TECPR1: variants seen among roughly 807,000 people sequenced by gnomAD.
TECPR1 encodes the protein tectonin beta-propeller repeat-containing protein 1.
In TECPR1, 122 loss-of-function variants were observed where a neutral mutation model predicts 162.4. The observed-to-expected ratio is 0.75, with a 90% CI of 0.65 to 0.87. TECPR1 has a LOEUF of 0.87. TECPR1 is among the 40% of genes least tolerant of loss of function. The pLI is 0.00. For synonymous variants in TECPR1, 642 were observed against 670.6 expected (o/e 0.96, Z 0.66); for missense variants, 1,432 against 1,618.2 (o/e 0.88, Z 1.97).
chr7:98,221,438 AC>A (rs1170350167), intron 23 of TECPR1, among the ~76,000 whole-genome samples: 1 of 151,990 alleles, frequency 6.6e-6, no homozygotes, highest in African/African-American at 2.4e-5. Flanking sequence ...CATCTCATGT[AC>A]CCCATAAATA....
intron 8 of TECPR1, 55 bp downstream of exon 8, chr7:98,240,796 C>T: frequency 7.0e-7 from 1 of 1,421,858 alleles, no homozygotes; most frequent in Non-Finnish European, 9.6e-7. Flanking sequence ...TCACAGCTCA[C>T]TGCAGTCTCC....
intron 8 of TECPR1, among the ~76,000 whole-genome samples, chr7:98,239,660 G>A (rs1379010045): frequency 6.6e-6 from 1 of 152,198 alleles, no homozygotes; most frequent in Non-Finnish European, 1.5e-5. Context: ...GGGAAGTGGG[G>A]TGACCAGGAT....
At chr7:98,225,683 T>A (rs1584328161) in intron 17 of TECPR1, among the ~76,000 whole-genome samples, 1 of 152,116 alleles carries the variant, frequency 6.6e-6, no homozygotes, top group African/African-American at 2.4e-5. Flanking sequence ...AGACAGGCTG[T>A]CGCTCTGTCA....
At chr7:98,249,173 G>T (rs1263684130) in intron 2 of TECPR1, among the ~76,000 whole-genome samples, 1 of 152,102 alleles carries the variant, frequency 6.6e-6, no homozygotes, top group African/African-American at 2.4e-5. Context: ...CCCTGGCCCT[G>T]GCTGGGACAA....
At position 98,232,836 on chromosome 7, in the gene TECPR1, G is replaced by A. The variant is rs367929161; in HGVS notation, c.1809C>T (p.Ala603=). ...CCACCGGGGCACCCACCTGCTCCAC[G>A]GCCTGCTCGTAGTGTCTGAAGTTCT... The part of the protein sequence containing the change: ...ELENFRHYEQ[A]VEQSVWVKTG... The change falls in exon 12 of 26, where the codon GCC becomes GCT. Residue 603 remains alanine (A), a synonymous_variant. Transcript: ENST00000447648. The surrounding 1 kb of genome is among the most constrained non-coding windows in gnomAD (Gnocchi z 4.6). 85 of 1,599,576 alleles carry A rather than the reference G, an allele frequency of 5.3e-5. No homozygotes were observed. Among genetic ancestry groups the A allele is most frequent in the East Asian group, 6.7e-5 (3 of 44,586 alleles).
In TECPR1 at chr7:98,240,910, C is replaced by G; in HGVS notation, c.874G>C (p.Gly292Arg). ...ACTCCCACCGAGATGTGCATGACCCCGTTTTCAGATCCAGGAGGCTCCACG... is the reference window on the plus strand; with the variant it reads ...ACTCCCACCGAGATGTGCATGACCCGGTTTTCAGATCCAGGAGGCTCCACG... ...SIVEPPGSEN[G>R]VMHISVGVSV... Residue 292 changes from glycine (G) to arginine (R), a missense_variant, in exon 8 of 26, where the codon GGG becomes CGG. By Grantham distance (125) the Gly-to-Arg change is moderately radical (BLOSUM62 -2). Coordinates refer to ENST00000447648, the MANE Select transcript of TECPR1 (RefSeq NM_015395.3). 1 of 1,609,682 alleles carries G rather than the reference C, an allele frequency of 6.2e-7. No individual in the cohort carries two copies. The highest frequency in any genetic ancestry group is 8.5e-7 in the Non-Finnish European group (1 of 1,178,982).
At chr7:98,238,637 T>A (rs1370468607) in intron 8 of TECPR1, 27 bp from the exon 9 acceptor site, 1 of 1,530,748 alleles carries the variant, frequency 6.5e-7, no homozygotes, top group African/African-American at 1.4e-5. Flanking sequence ...TAAACATGCC[T>A]TCCTGGAGGG....
chr7:98,226,534 C>T (rs1798283280), intron 17 of TECPR1: 1 of 1,046,308 alleles, frequency 9.6e-7, no homozygotes, highest in South Asian at 2.9e-5. Context: ...GGCCACACCC[C>T]ACATGCTAAT....
intron 16 of TECPR1, 110 bp from the exon 17 acceptor site, chr7:98,228,226 C>T (rs1798328932): frequency 1.2e-6 from 1 of 863,302 alleles, no homozygotes; most frequent in Non-Finnish European, 1.9e-6. Flanking sequence ...CGGGCTGGAG[C>T]CAGGTCAGCG....
intron 8 of TECPR1, among the ~76,000 whole-genome samples, chr7:98,239,824 T>C (rs979602559): frequency 6.6e-6 from 1 of 151,624 alleles, no homozygotes; most frequent in Non-Finnish European, 1.5e-5. Context: ...AAAAACCCTG[T>C]GACTGGCCAG....
At chr7:98,249,928 A>AG (rs949485608) in intron 2 of TECPR1, among the ~76,000 whole-genome samples, 4 of 152,124 alleles carry the variant, frequency 2.6e-5, no homozygotes, top group African/African-American at 9.7e-5. Flanking sequence ...AAAAAAAAAA[A>AG]AAGAAAAACA....
Position 98,246,070 on chromosome 7 carries a change from T to G in TECPR1, c.77A>C (p.Glu26Ala), listed in dbSNP as rs369593510. Residue 26 changes from glutamate (E) to alanine (A), a missense_variant, in exon 3 of 26, where the codon GAA (glutamate) becomes GCA (alanine). By Grantham distance (107) the Glu-to-Ala change is moderately radical (BLOSUM62 -1). Coordinates refer to ENST00000447648, the MANE Select transcript of TECPR1 (RefSeq NM_015395.3). ...CTCCAGCTGGGAGTCCTTGCACATT[T>G]CCCAGTACTGGCCTGCTGTGGACAG... ...YTLSTAGQYWEMCKDSQLEFK... is the reference protein window; with the variant it reads ...YTLSTAGQYWAMCKDSQLEFK... 365 of 1,569,462 alleles carry G rather than the reference T, an allele frequency of 2.3e-4. No homozygotes were observed. The highest frequency in any genetic ancestry group is 3.0e-4 in the Non-Finnish European group (347 of 1,157,958).
intron 10 of TECPR1, among the ~76,000 whole-genome samples, chr7:98,234,793 C>G (rs1798550250): frequency 6.7e-6 from 1 of 148,210 alleles, no homozygotes; most frequent in Admixed American, 6.9e-5. Flanking sequence ...TCACTGCAGC[C>G]TCGACCTCCT....
rs1336429521 is a variant in TECPR1 at position 98,229,372 on chromosome 7, G to A, written c.2283-206C>T. Among the ~76,000 whole-genome samples, 7 of 152,152 alleles carry A rather than the reference G, an allele frequency of 4.6e-5. No homozygotes were observed. In the South Asian group the frequency reaches 8.3e-4, roughly 18 times the overall value. ...CAGCCCACGAGAGGTGCAGGGTCTC[G>A]GCACTGGGGCTGTGCAGGTCAGACC... On this transcript the variant is annotated intron_variant, in intron 15 of 25. Coordinates refer to ENST00000447648, the MANE Select transcript of TECPR1 (RefSeq NM_015395.3).
Position 98,230,950 on chromosome 7 carries a change from G to C in TECPR1, c.2282+11C>G. On this transcript the variant is annotated intron_variant, in intron 15 of 25. Transcript: ENST00000447648. ...AGGCCCCAGACCCCACCCAGAGTGC[G>C]GCTCACTCACATCTGGTCGCAGGGC... is the stretch of plus-strand genomic sequence containing the variant. 1 of 1,608,262 alleles carries C rather than the reference G, an allele frequency of 6.2e-7. No individual in the cohort carries two copies. The highest frequency in any genetic ancestry group is 8.5e-7 in the Non-Finnish European group (1 of 1,177,576).
Position 98,232,807 on chromosome 7 carries a change from G to A in TECPR1, c.1818+20C>T, listed in dbSNP as rs370051465. 76 of 1,530,946 alleles carry A rather than the reference G, an allele frequency of 5.0e-5. No homozygotes were observed. Among genetic ancestry groups the A allele is most frequent in the Non-Finnish European group, 6.2e-5 (71 of 1,142,992 alleles). The allele number at this position is 1,530,946 out of a possible 1,614,324, so 94.8% of individuals were successfully genotyped here. ...CTGGAAAAAAAAAAAAAATGCATGCGCAGCCACCGGGGCACCCACCTGCTC... is the reference window on the plus strand; with the variant it reads ...CTGGAAAAAAAAAAAAAATGCATGCACAGCCACCGGGGCACCCACCTGCTC... On this transcript the variant is annotated intron_variant, in intron 12 of 25. Coordinates refer to ENST00000447648, the MANE Select transcript of TECPR1 (RefSeq NM_015395.3). This position sits in a 1 kb window ranked among gnomAD's most constrained non-coding sequence, Gnocchi z 4.6.
At chr7:98,242,278 G>A (rs1380150299) in intron 6 of TECPR1, among the ~76,000 whole-genome samples, 6 of 152,168 alleles carry the variant, frequency 3.9e-5, no homozygotes, top group Non-Finnish European at 8.8e-5. Flanking sequence ...GCCATGACTC[G>A]AGTGTCAGCG....
At chr7:98,218,107 C>T (rs1258961065) in intron 23 of TECPR1, 65 bp from the exon 24 acceptor site, 11 of 1,377,354 alleles carry the variant, frequency 8.0e-6, no homozygotes, top group African/African-American at 4.3e-5. Context: ...CCGTGCGGCC[C>T]GGCAGCCGGT....
At chr7:98,230,749 C>G (rs2116568531) in intron 15 of TECPR1, among the ~76,000 whole-genome samples, 1 of 152,322 alleles carries the variant, frequency 6.6e-6, no homozygotes, top group East Asian at 1.9e-4. Flanking sequence ...ACTGACCCAC[C>G]CTGGGCCCAG....
Sources: allele counts gnomAD v4.1 joint callset (sites outside exome capture counted in the v4.1 genomes callset), GRCh38; gene constraint gnomAD v4.1.1; non-coding constraint Gnocchi (gnomAD v3.1); transcripts MANE v1.5; gene names NCBI Gene and HGNC (gene_info 2026-07-23, HGNC 2026-07-21).